The following ATP2B3 variants were observed in gnomAD, a reference collection of about 807,000 sequenced individuals.
ATP2B3 encodes plasma membrane calcium-transporting ATPase 3.
In ATP2B3, 12 loss-of-function variants were observed where a neutral mutation model predicts 70.8. That is an observed-to-expected ratio of 0.17 (90% CI 0.11 to 0.27). The LOEUF is 0.27. ATP2B3 is among the 10% of genes least tolerant of loss of function. The pLI is 1.00. For synonymous variants in ATP2B3, 460 were observed against 497.8 expected (o/e 0.92, Z 1.01); for missense variants, 858 against 1,118.5 (o/e 0.77, Z 3.32).
chrX:153,541,984 A>T, intron 5 of ATP2B3, 58 bp downstream of exon 5: 1 of 1,150,003 alleles, frequency 8.7e-7, no homozygotes. Context: ...GCTTCTGGGG[A>T]GGGTGAGCCA....
intron 2 of ATP2B3, among the ~76,000 whole-genome samples, chrX:153,526,124 G>A (rs1000624032): frequency 3.6e-5 from 4 of 112,591 alleles, no homozygotes; most frequent in African/African-American, 1.3e-4. Context: ...CCTAAGGGAG[G>A]AGGGGAGGGG....
At position 153,556,405 on chromosome X, in the gene ATP2B3, C is replaced by T. The variant is rs1022032536; in HGVS notation, c.2313C>T (p.His771=). ...CCCGGTCGTCTCCCACCGACAAGCA[C>T]ACACTGGTCAAAGGTAGCCGAGCCC... is the stretch of plus-strand genomic sequence containing the variant. The part of the protein sequence containing the change: ...VLARSSPTDK[H]TLVKGIIDST... Residue 771 remains histidine (H), a synonymous_variant, in exon 15 of 22, where the codon CAC becomes CAT. Coordinates refer to ENST00000263519, the MANE Select transcript of ATP2B3 (RefSeq NM_001001344.3). The T allele has an allele frequency of 1.7e-6, 2 of 1,202,832 alleles. No individual in the cohort carries two copies. The highest frequency in any genetic ancestry group is 3.5e-5 in the African/African-American group (2 of 57,005).
chrX:153,563,949 C>T (rs967928750), intron 20 of ATP2B3, among the ~76,000 whole-genome samples: 6 of 112,914 alleles, frequency 5.3e-5, no homozygotes, highest in Non-Finnish European at 1.1e-4. Flanking sequence ...ACGTCTTGCT[C>T]TAGAACTCCA....
At chrX:153,541,989 G>A (rs2090289659) in intron 5 of ATP2B3, 63 bp downstream of exon 5, 1 of 1,155,115 alleles carries the variant, frequency 8.7e-7, no homozygotes. Flanking sequence ...TGGGGAGGGT[G>A]AGCCAGAGGA....
At position 153,549,700 on chromosome X, in the gene ATP2B3, T is replaced by C. The variant is rs781819958; in HGVS notation, c.1542T>C (p.His514=). The C allele has an allele frequency of 2.9e-5, 35 of 1,210,642 alleles. No homozygotes were observed. The highest frequency in any genetic ancestry group is 3.7e-5 in the Non-Finnish European group (33 of 895,301). The stretch of plus-strand genomic sequence containing the variant: ...CTAAGATCCTCGACCTCCTGGTCCA[T>C]GCCATCTCCATCAACAGTGCCTATA... ...LTPKILDLLV[H]AISINSAYTT... is the part of the protein sequence containing the mutation. Residue 514 remains histidine, a synonymous_variant, in exon 11 of 22, where the codon CAT becomes CAC. Coordinates refer to ENST00000263519, the MANE Select transcript of ATP2B3 (RefSeq NM_001001344.3).
At chrX:153,569,812 CT>C in intron 21 of ATP2B3, 1 of 1,153,188 alleles carries the variant, frequency 8.7e-7, no homozygotes, top group South Asian at 1.9e-5. Flanking sequence ...AAGAATAAGC[CT>C]CCCCAGCTCG....
intron 21 of ATP2B3, among the ~76,000 whole-genome samples, chrX:153,572,801 A>G (rs1483977030): frequency 1.8e-5 from 2 of 111,594 alleles, no homozygotes; most frequent in Admixed American, 9.4e-5. Context: ...TTGGGTGTCC[A>G]TATTCCGGAG....
At chrX:153,556,528 TGG>T in intron 15 of ATP2B3, 110 bp downstream of exon 15, 1 of 821,273 alleles carries the variant, frequency 1.2e-6, no homozygotes, top group East Asian at 3.4e-5. Context: ...CCTAGGAAGC[TGG>T]GTCCATTTGT....
At chrX:153,519,607 G>A (rs1556997183) in intron 2 of ATP2B3, among the ~76,000 whole-genome samples, 1 of 112,782 alleles carries the variant, frequency 8.9e-6, no homozygotes, top group Admixed American at 9.3e-5. Flanking sequence ...GTCCCAGGGT[G>A]AGGTCAGCCC....
At chrX:153,520,732 G>C (rs2089947406) in intron 2 of ATP2B3, among the ~76,000 whole-genome samples, 1 of 112,460 alleles carries the variant, frequency 8.9e-6, no homozygotes, top group South Asian at 3.7e-4. Flanking sequence ...AGTCCATCAG[G>C]CTCCGGAGTC....
intron 13 of ATP2B3, among the ~76,000 whole-genome samples, chrX:153,555,334 G>A (rs1603087620): frequency 9.0e-6 from 1 of 110,951 alleles, no homozygotes; most frequent in Admixed American, 9.5e-5. Flanking sequence ...ACTCCCCACC[G>A]CCGCAGGCTC....
chrX:153,550,983 C>T (rs782437083), intron 12 of ATP2B3, among the ~76,000 whole-genome samples: 1 of 111,823 alleles, frequency 8.9e-6, no homozygotes, highest in Non-Finnish European at 1.9e-5. Flanking sequence ...ATCTGTCTAC[C>T]AGCACGTCTA....
chrX:153,571,473 C>T (rs1278083902), intron 21 of ATP2B3, among the ~76,000 whole-genome samples: 5 of 112,663 alleles, frequency 4.4e-5, no homozygotes. Flanking sequence ...TTCTCCACAG[C>T]TCTGGCCTCA....
intron 3 of ATP2B3, among the ~76,000 whole-genome samples, 189 bp from the exon 4 acceptor site, chrX:153,541,170 C>T (rs743644): frequency 0.053 from 5,997 of 112,485 alleles, 247 homozygotes; most frequent in African/African-American, 0.13. Context: ...CTCACTCCCA[C>T]GTGCACACCC....
Position 153,539,694 on chromosome X carries a change from C to T in ATP2B3, c.209-1665C>T, listed in dbSNP as rs782022105. On this transcript the variant is annotated intron_variant, in intron 3 of 21. Transcript: ENST00000263519. ...GTGTCAGTGTGGGTCTGGTCACGGCCGCGACAGCACTGGGCGCCGGGTGAG... is the reference window on the plus strand; with the variant it reads ...GTGTCAGTGTGGGTCTGGTCACGGCTGCGACAGCACTGGGCGCCGGGTGAG... 2.2e-4 allele frequency among the ~76,000 whole-genome samples: 25 copies of T among 113,040 alleles called. No homozygotes were observed. The Admixed American group carries it at 2.2e-3, about 10-fold the overall frequency.
intron 21 of ATP2B3, among the ~76,000 whole-genome samples, chrX:153,575,282 A>C (rs1557021072): frequency 8.9e-6 from 1 of 112,808 alleles, no homozygotes; most frequent in Non-Finnish European, 1.9e-5. Flanking sequence ...AGCGAGCCAG[A>C]CAGACAGACC....
intron 20 of ATP2B3, among the ~76,000 whole-genome samples, chrX:153,563,214 T>G (rs2090654083): frequency 1.1e-5 from 1 of 87,732 alleles, no homozygotes; most frequent in Non-Finnish European, 2.1e-5. Flanking sequence ...CAATCACAGC[T>G]CACTGTAGCC....
intron 1 of ATP2B3, among the ~76,000 whole-genome samples, 175 bp downstream of exon 1, chrX:153,518,050 G>T (rs2089902507): frequency 9.0e-6 from 1 of 110,907 alleles, no homozygotes; most frequent in Non-Finnish European, 1.9e-5. Flanking sequence ...TGTCCTTGCG[G>T]CACTGCGGCC....
chrX:153,528,452 C>T (rs1006436412), intron 2 of ATP2B3, among the ~76,000 whole-genome samples: 5 of 111,585 alleles, frequency 4.5e-5, no homozygotes, highest in East Asian at 2.8e-4. Context: ...GACAATATCA[C>T]CCCCCAGGGA....
Sources: allele counts gnomAD v4.1 joint callset (sites outside exome capture counted in the v4.1 genomes callset), GRCh38; gene constraint gnomAD v4.1.1; transcripts MANE v1.5; gene names NCBI Gene and HGNC (gene_info 2026-07-23, HGNC 2026-07-21).